The following FAM241A variants were observed in gnomAD, a reference collection of about 807,000 sequenced individuals.
The protein encoded by FAM241A is uncharacterized protein FAM241A.
A neutral mutation model predicts 12.2 loss-of-function variants in FAM241A; 7 were observed. The ratio of observed to expected loss-of-function variants is 0.58; its 90% CI spans 0.33 to 1.08. FAM241A has a LOEUF of 1.08. Ranked by LOEUF, FAM241A falls within the 50% of genes least tolerant of loss-of-function variation. The pLI, the probability that FAM241A is intolerant of heterozygous loss-of-function variation, is 0.04. For synonymous variants in FAM241A, 74 were observed against 68.2 expected (o/e 1.08, Z -0.42); for missense variants, 161 against 169.7 (o/e 0.95, Z 0.29).
chr4:112,154,275 A>T (rs1174872622), intron 1 of FAM241A, among the ~76,000 whole-genome samples: 1 of 151,874 alleles, frequency 6.6e-6, no homozygotes, highest in Admixed American at 6.6e-5. Flanking sequence ...TTTATTTCTT[A>T]TTTTTTTATT....
chr4:112,178,610 G>A (rs781104580), intron 1 of FAM241A, among the ~76,000 whole-genome samples: 3 of 152,008 alleles, frequency 2.0e-5, no homozygotes, highest in Admixed American at 6.6e-5. Flanking sequence ...CCCCAAAAGC[G>A]ATTGCAACAA....
chr4:112,155,000 T>C (rs1160120213), intron 1 of FAM241A, among the ~76,000 whole-genome samples: 1 of 151,524 alleles, frequency 6.6e-6, no homozygotes, highest in Non-Finnish European at 1.5e-5. Flanking sequence ...CAAACTGCAC[T>C]CCAGCCTGGG....
rs574569252 is a variant in FAM241A at position 112,146,042 on chromosome 4, T to C, written c.153+309T>C. Among the ~76,000 whole-genome samples, 510 of 152,240 alleles carry C rather than the reference T, an allele frequency of 3.3e-3. 3 individuals carry two copies. Among genetic ancestry groups the C allele is most frequent in the African/African-American group, 0.011 (459 of 41,564 alleles). On this transcript the variant is annotated intron_variant, in intron 1 of 1. Coordinates refer to ENST00000309733, the MANE Select transcript of FAM241A (RefSeq NM_152400.3). ...GCTGGCGCCCAGGGCTCGGAGGAAA[T>C]GCCCTCCATAGCGGTGATTTATTTA...
intron 1 of FAM241A, among the ~76,000 whole-genome samples, chr4:112,182,550 G>A (rs987590750): frequency 6.6e-6 from 1 of 151,814 alleles, no homozygotes; most frequent in Non-Finnish European, 1.5e-5. Flanking sequence ...AAGAAGGGAG[G>A]GATCAAACTC....
At position 112,152,445 on chromosome 4, in the gene FAM241A, G is replaced by A. The variant is rs559212954; in HGVS notation, c.153+6712G>A. On this transcript the variant is annotated intron_variant, in intron 1 of 1. Transcript: ENST00000309733. Reference sequence around the variant, plus strand: ...GTCAAAAGTAATTACTCTGATAATAGATATTCCAATAGATAGGTTAAAATT... The same window carrying A: ...GTCAAAAGTAATTACTCTGATAATAAATATTCCAATAGATAGGTTAAAATT... Among the ~76,000 whole-genome samples, 15 of 152,276 alleles carry A rather than the reference G, an allele frequency of 9.9e-5. No homozygotes were observed. In the East Asian group the frequency reaches 2.9e-3, roughly 29 times the overall value.
intron 1 of FAM241A, among the ~76,000 whole-genome samples, chr4:112,170,087 T>G (rs1723685139): frequency 1.3e-5 from 2 of 152,224 alleles, no homozygotes; most frequent in African/African-American, 4.8e-5. Flanking sequence ...CACTACAAAC[T>G]AATTTCTTTC....
chr4:112,182,650 C>T (rs1206666212), intron 1 of FAM241A, among the ~76,000 whole-genome samples: 1 of 152,118 alleles, frequency 6.6e-6, no homozygotes, highest in Non-Finnish European at 1.5e-5. Flanking sequence ...TCCTACCAAT[C>T]GTCAAAGAGC....
intron 1 of FAM241A, among the ~76,000 whole-genome samples, chr4:112,169,936 C>T: frequency 6.6e-6 from 1 of 152,052 alleles, no homozygotes; most frequent in Admixed American, 6.5e-5. Context: ...GATTCCTGAC[C>T]TTTTATAAGA....
chr4:112,179,723 A>AT (rs1033876901), intron 1 of FAM241A, among the ~76,000 whole-genome samples: 5 of 127,456 alleles, frequency 3.9e-5, no homozygotes, highest in Non-Finnish European at 6.7e-5. Flanking sequence ...ATATATATAT[A>AT]TTAAAAAAAA....
chr4:112,178,675 A>C (rs1056956312), intron 1 of FAM241A, among the ~76,000 whole-genome samples: 1 of 152,222 alleles, frequency 6.6e-6, no homozygotes, highest in Non-Finnish European at 1.5e-5. Context: ...TGCACAGCAA[A>C]AGAAACTATC....
intron 1 of FAM241A, among the ~76,000 whole-genome samples, chr4:112,173,072 A>T (rs941127899): frequency 1.3e-5 from 2 of 152,014 alleles, no homozygotes; most frequent in African/African-American, 4.8e-5. Context: ...ATTTTTTTGT[A>T]GAGTCAGGGT....
At chr4:112,178,884 C>A (rs1490428134) in intron 1 of FAM241A, among the ~76,000 whole-genome samples, 1 of 152,160 alleles carries the variant, frequency 6.6e-6, no homozygotes, top group Admixed American at 6.6e-5. Context: ...AAATGCTCAT[C>A]ATCACTCATG....
intron 1 of FAM241A, among the ~76,000 whole-genome samples, chr4:112,171,877 C>T (rs945029433): frequency 6.7e-6 from 1 of 149,762 alleles, no homozygotes; most frequent in African/African-American, 2.5e-5. Context: ...AAAACAAAAA[C>T]AAAAAAAAAT....
At chr4:112,182,470 A>T (rs765360504) in intron 1 of FAM241A, among the ~76,000 whole-genome samples, 1 of 152,060 alleles carries the variant, frequency 6.6e-6, no homozygotes, top group Non-Finnish European at 1.5e-5. Flanking sequence ...AGTTAATTCT[A>T]CTTAATTATC....
rs537785796 is a variant in FAM241A, at chr4:112,186,148, G to GT, written c.154-544dup. On this transcript the variant is annotated intron_variant, in intron 1 of 1. Transcript: ENST00000309733. ...TACTGGGTAGACATTTGGCCTTATTGTAAAAAAAAAAAATTTGTATTAAAA... is the reference window on the plus strand; with the variant it reads ...TACTGGGTAGACATTTGGCCTTATTGTTAAAAAAAAAAAATTTGTATTAAAA... Among the ~76,000 whole-genome samples the GT allele has an allele frequency of 6.5e-3, 986 of 151,338 alleles. 3 individuals carry two copies. Among genetic ancestry groups the GT allele is most frequent in the Non-Finnish European group, 0.01 (712 of 67,832 alleles).
chr4:112,169,001 T>G (rs1276970488), intron 1 of FAM241A, among the ~76,000 whole-genome samples: 1 of 152,214 alleles, frequency 6.6e-6, no homozygotes, highest in Non-Finnish European at 1.5e-5. Context: ...CATGTTTAAC[T>G]CTTTAAATAT....
intron 1 of FAM241A, among the ~76,000 whole-genome samples, chr4:112,184,020 CTT>C (rs1163870855): frequency 6.6e-6 from 1 of 151,808 alleles, no homozygotes; most frequent in African/African-American, 2.4e-5. Context: ...CAAATTATAA[CTT>C]AAGAGAAAAC....
At chr4:112,186,078 G>A (rs1395431485) in intron 1 of FAM241A, among the ~76,000 whole-genome samples, 1 of 151,880 alleles carries the variant, frequency 6.6e-6, no homozygotes, top group East Asian at 1.9e-4. Flanking sequence ...TAATACTTTA[G>A]GTATGTATAA....
At chr4:112,145,805 AGGGGCCCGGCCCGCGGGCC>A (rs1723124361) in intron 1 of FAM241A, 72 bp downstream of exon 1, 2 of 982,056 alleles carry the variant, frequency 2.0e-6, no homozygotes, top group Admixed American at 1.0e-4. Flanking sequence ...GTTGGAGGGA[AGGGGCCCGGCCCGCGGGCC>A]GCGCCGCAGC....
Sources: gnomAD v4.1 joint callset for allele counts (sites outside exome capture counted in the v4.1 genomes callset) on GRCh38, gnomAD v4.1.1 for gene constraint, MANE v1.5 for transcripts, NCBI Gene and HGNC (gene_info 2026-07-23, HGNC 2026-07-21) for gene names.